Variants in COBLL1 observed in about 807,000 individuals in gnomAD.
COBLL1 encodes cordon-bleu WH2 repeat protein like 1.
COBLL1 carries 50 observed loss-of-function variants against 94.8 expected under a neutral mutation model. That is an observed-to-expected ratio of 0.53 (90% CI 0.42 to 0.67). The LOEUF (loss-of-function observed/expected upper bound fraction) is 0.67. Among genes scored for constraint, COBLL1 ranks in the 30% least tolerant of loss-of-function variants. COBLL1 has a pLI of 0.00. For synonymous variants in COBLL1, 448 were observed against 473.8 expected, an observed-to-expected ratio of 0.95 and a Z score of 0.71; for missense variants, 1,362 against 1,348.7, an observed-to-expected ratio of 1.01 and a Z score of -0.15.
rs10599487 is a variant in COBLL1 at position 164,817,361 on chromosome 2, T to TAAA, written c.41+23792_41+23794dup. 7.7e-3 allele frequency among the ~76,000 whole-genome samples: 898 copies of TAAA among 116,150 alleles called. 6 individuals are homozygous for TAAA. Among genetic ancestry groups the TAAA allele is most frequent in the African/African-American group, 0.025 (777 of 31,490 alleles). 76.2% of individuals were successfully genotyped at this position (116,150 alleles called of 152,430 possible). ...CTTATCTGAGTGTAATGGTATATAT[T>TAAA]AAAAAAAAAAAAAAAAAGAAGAAGA... On this transcript the variant is annotated intron_variant, in intron 2 of 13. Coordinates refer to ENST00000652658, the MANE Select transcript of COBLL1 (RefSeq NM_001365672.2).
rs564733923 is a variant in COBLL1 at position 164,700,836 on chromosome 2, G to T, written c.1226-80C>A. The T allele has an allele frequency of 7.1e-5, 59 of 834,720 alleles. 2 individuals are homozygous for T. In the South Asian group the frequency reaches 9.2e-4, roughly 13 times the overall value. 51.7% of individuals were successfully genotyped at this position (834,720 alleles called of 1,614,324 possible). A position where few individuals can be genotyped will look rare whatever the true frequency, so the allele number is the denominator to read the frequency against. On this transcript the variant is annotated intron_variant, in intron 9 of 13. Coordinates refer to ENST00000652658, the MANE Select transcript of COBLL1 (RefSeq NM_001365672.2). ...GCAATTCTGGCAAGGAAGGAATTTT[G>T]AAAAATAATAATTAGCTGGACTCTT...
chr2:164,765,808 A>T (rs2105234640), intron 2 of COBLL1, among the ~76,000 whole-genome samples: 1 of 152,308 alleles, frequency 6.6e-6, no homozygotes, highest in African/African-American at 2.4e-5. Context: ...TTGACCTCCT[A>T]AATGAAGGTC....
chr2:164,770,366 A>G (rs957982664), intron 2 of COBLL1, among the ~76,000 whole-genome samples: 13 of 152,154 alleles, frequency 8.5e-5, no homozygotes, highest in African/African-American at 3.1e-4. Flanking sequence ...GTCTTCTGAA[A>G]TGACATCTAC....
intron 7 of COBLL1, chr2:164,718,338 G>A (rs1418012468): frequency 1.5e-6 from 1 of 652,598 alleles, no homozygotes; most frequent in Non-Finnish European, 1.9e-6. Context: ...GATGAGGTAA[G>A]TAAGTCATGT....
chr2:164,729,820 C>A, intron 4 of COBLL1, 94 bp downstream of exon 4: 2 of 1,084,948 alleles, frequency 1.8e-6, no homozygotes, highest in South Asian at 2.9e-5. Context: ...ACATTCACAT[C>A]AAATTTAACC....
At chr2:164,733,635 T>C (rs1299721207) in intron 3 of COBLL1, among the ~76,000 whole-genome samples, 1 of 152,216 alleles carries the variant, frequency 6.6e-6, no homozygotes, top group East Asian at 1.9e-4. Flanking sequence ...ATACTGCATA[T>C]GAATTGTTTC....
intron 2 of COBLL1, among the ~76,000 whole-genome samples, chr2:164,765,954 C>T (rs552907589): frequency 1.2e-4 from 18 of 152,066 alleles, no homozygotes; most frequent in Non-Finnish European, 2.6e-4. Flanking sequence ...CTGCTCTAAC[C>T]CTAACCAACC....
At position 164,673,591 on chromosome 2, in the gene COBLL1, C is replaced by T. The variant is rs193193130; in HGVS notation, n.127-7690G>A. On this transcript the variant is annotated intron_variant and non_coding_transcript_variant, in intron 1 of 2. Transcript: ENST00000495084. ...TAGGGAGGTTGAGGCATGAGAATCA[C>T]TTGAACCCAGGAGCGGAGGTTGTAG... Among the ~76,000 whole-genome samples the T allele has an allele frequency of 7.4e-3, 1,121 of 152,238 alleles. 45 individuals carry two copies. Among genetic ancestry groups the T allele is most frequent in the Admixed American group, 0.056 (852 of 15,292 alleles).
At chr2:164,792,496 G>C (rs1009799703) in intron 2 of COBLL1, among the ~76,000 whole-genome samples, 2 of 151,992 alleles carry the variant, frequency 1.3e-5, no homozygotes, top group Non-Finnish European at 2.9e-5. Context: ...TTTCACAATA[G>C]GATCATGACT....
chr2:164,741,252 C>T (rs35212788), intron 3 of COBLL1, among the ~76,000 whole-genome samples: 3 of 151,406 alleles, frequency 2.0e-5, no homozygotes, highest in Non-Finnish European at 4.4e-5. Flanking sequence ...CTCCAGCCTG[C>T]GCAACAGAGC....
At chr2:164,819,678 T>C (rs1020198077) in intron 2 of COBLL1, among the ~76,000 whole-genome samples, 3 of 152,100 alleles carry the variant, frequency 2.0e-5, no homozygotes, top group African/African-American at 7.2e-5. Context: ...TAATCTTGGG[T>C]CCAGGTTTTC....
chr2:164,690,589 T>C (rs2105418435), intron 13 of COBLL1, among the ~76,000 whole-genome samples: 1 of 152,202 alleles, frequency 6.6e-6, no homozygotes, highest in East Asian at 1.9e-4. Flanking sequence ...TGCAGTTTTC[T>C]GCAATTAGTT....
chr2:164,818,283 T>TATATGTATGTATAC (rs1293586396), intron 2 of COBLL1, among the ~76,000 whole-genome samples: 1 of 147,148 alleles, frequency 6.8e-6, no homozygotes, highest in African/African-American at 2.5e-5. Flanking sequence ...TATGTATACA[T>TATATGTATGTATAC]ATATGTATGT....
chr2:164,814,888 CA>C (rs1293511008), intron 2 of COBLL1, among the ~76,000 whole-genome samples: 1 of 152,162 alleles, frequency 6.6e-6, no homozygotes, highest in Non-Finnish European at 1.5e-5. Context: ...TTATATGCAA[CA>C]AAGGAGGAGC....
At chr2:164,782,921 A>T (rs1688782975) in intron 2 of COBLL1, among the ~76,000 whole-genome samples, 1 of 152,218 alleles carries the variant, frequency 6.6e-6, no homozygotes. Flanking sequence ...ATACATTTTA[A>T]ATGGTTATAC....
intron 5 of COBLL1, chr2:164,723,517 A>C (rs1473702327): frequency 6.6e-6 from 1 of 152,178 alleles, no homozygotes; most frequent in Non-Finnish European, 1.5e-5. Flanking sequence ...AAAGAATGCT[A>C]TCAAAGTCTA....
At chr2:164,664,493 A>T (rs1026761333) in intron 2 of COBLL1, among the ~76,000 whole-genome samples, 8 of 152,214 alleles carry the variant, frequency 5.3e-5, no homozygotes, top group Non-Finnish European at 1.2e-4. Context: ...AAGTATTTCC[A>T]TATGAATAAC....
In COBLL1 at chr2:164,841,177, C is replaced by T. The variant is rs1683585949; in HGVS notation, c.20G>A (p.Arg7His). 3 of 1,231,552 alleles carry T rather than the reference C, an allele frequency of 2.4e-6. No individual in the cohort carries two copies. Among genetic ancestry groups the T allele is most frequent in the East Asian group, 3.2e-5 (1 of 31,622 alleles). 76.3% of individuals were successfully genotyped at this position (1,231,552 alleles called of 1,614,324 possible). ...TTACCTGGCTGGGGCGTCCTGCGGG[C>T]GCGGGGTTCGGCCGTCCATCGCCCT... is the stretch of plus-strand genomic sequence containing the variant. MDGRTP[R>H]PQDAPARRKP... The change falls in exon 2 of 14, where the codon CGC (arginine) becomes CAC (histidine). Residue 7 changes from arginine (R) to histidine (H), a missense_variant. Coordinates refer to ENST00000652658, the MANE Select transcript of COBLL1 (RefSeq NM_001365672.2). The surrounding 1 kb of genome is among the most constrained non-coding windows in gnomAD (Gnocchi z 5.5).
intron 7 of COBLL1, among the ~76,000 whole-genome samples, chr2:164,707,584 A>G (rs1054264593): frequency 1.3e-5 from 2 of 152,138 alleles, no homozygotes; most frequent in African/African-American, 2.4e-5. Context: ...GTCTGCTCCC[A>G]CTGGGGTTGA....
Sources: gnomAD v4.1 joint callset for allele counts (sites outside exome capture counted in the v4.1 genomes callset) on GRCh38, gnomAD v4.1.1 for gene constraint, Gnocchi (gnomAD v3.1) non-coding constraint, MANE v1.5 for transcripts, NCBI Gene and HGNC (gene_info 2026-07-23, HGNC 2026-07-21) for gene names.